Variants in HDAC9 observed in about 807,000 individuals in gnomAD.
HDAC9 encodes the protein MEF-2 interacting transcription repressor (MITR) protein.
HDAC9 carries 41 observed loss-of-function variants against 139.4 expected under a neutral mutation model. That is an observed-to-expected ratio of 0.29 (90% CI 0.23 to 0.38). HDAC9 has a LOEUF of 0.38. Ranked by LOEUF, HDAC9 falls within the 10% of genes least tolerant of loss-of-function variation. The probability of loss-of-function intolerance (pLI) is 1.00; values close to 1 mark genes in which losing one functional copy is unlikely to be tolerated. For missense variants in HDAC9, 1,147 were observed against 1,297.0 expected, an observed-to-expected ratio of 0.88 and a Z score of 1.78; for synonymous variants, 517 against 476.2, an observed-to-expected ratio of 1.09 and a Z score of -1.12.
chr7:18,258,315 G>A (rs1448249854), intron 2 of HDAC9, among the ~76,000 whole-genome samples: 1 of 152,180 alleles, frequency 6.6e-6, no homozygotes, highest in African/African-American at 2.4e-5. Context: ...GACAGACATG[G>A]TAACTGTTTC....
chr7:18,804,572 TC>T (rs1793555949), intron 17 of HDAC9, among the ~76,000 whole-genome samples: 1 of 152,224 alleles, frequency 6.6e-6, no homozygotes, highest in African/African-American at 2.4e-5. Flanking sequence ...TATATTGCTG[TC>T]TACCCTAAAA....
intron 12 of HDAC9, among the ~76,000 whole-genome samples, chr7:18,712,290 C>T (rs1019954810): frequency 5.3e-5 from 8 of 152,112 alleles, no homozygotes; most frequent in African/African-American, 1.7e-4. Flanking sequence ...CTTTCATCAG[C>T]GGCAACAACC....
intron 21 of HDAC9, among the ~76,000 whole-genome samples, chr7:18,838,043 A>G (rs1409290439): frequency 6.6e-6 from 1 of 152,050 alleles, no homozygotes; most frequent in East Asian, 1.9e-4. Flanking sequence ...TTTATTTAAG[A>G]ACCAGATTTA....
intron 1 of HDAC9, among the ~76,000 whole-genome samples, chr7:18,481,323 A>G (rs1339411331): frequency 6.6e-6 from 1 of 152,182 alleles, no homozygotes; most frequent in Non-Finnish European, 1.5e-5. Flanking sequence ...ATTTAACAGA[A>G]TATGAATTTT....
intron 1 of HDAC9, among the ~76,000 whole-genome samples, chr7:18,308,974 G>C (rs1469337095): frequency 6.6e-6 from 1 of 152,172 alleles, no homozygotes; most frequent in African/African-American, 2.4e-5. Flanking sequence ...CACATGGCTG[G>C]TGAGAGGAGA....
intron 1 of HDAC9, among the ~76,000 whole-genome samples, chr7:18,318,067 C>T (rs1487034294): frequency 6.6e-6 from 1 of 152,110 alleles, no homozygotes; most frequent in African/African-American, 2.4e-5. Context: ...GCCATCAAAA[C>T]AGCATCAAAG....
At chr7:18,559,164 A>T (rs972664928) in intron 2 of HDAC9, among the ~76,000 whole-genome samples, 9 of 152,158 alleles carry the variant, frequency 5.9e-5, no homozygotes, top group African/African-American at 2.2e-4. Flanking sequence ...TAGTCTGTAC[A>T]CCTCCAGAAT....
At chr7:18,962,477 A>G (rs1346998777) in intron 24 of HDAC9, among the ~76,000 whole-genome samples, 1 of 152,098 alleles carries the variant, frequency 6.6e-6, no homozygotes, top group Non-Finnish European at 1.5e-5. Flanking sequence ...AAAAAAGAAA[A>G]GTCTGCCATC....
Position 18,954,237 on chromosome 7 carries a change from C to A in HDAC9, c.3022+7C>A, listed in dbSNP as rs762042686. On this transcript the variant is annotated splice_region_variant and intron_variant, in intron 24 of 25. Coordinates refer to ENST00000686413, the MANE Select transcript of HDAC9 (RefSeq NM_178425.4). Reference sequence around the variant, plus strand: ...AAGATCATTGAAATTCAAAGTATGTCTTTAAAGTTCTCTTAAAAATTCTAA... The same window carrying A: ...AAGATCATTGAAATTCAAAGTATGTATTTAAAGTTCTCTTAAAAATTCTAA... 2 of 1,434,110 alleles carry A rather than the reference C, an allele frequency of 1.4e-6. No individual in the cohort carries two copies. Among genetic ancestry groups the A allele is most frequent in the South Asian group, 1.2e-5 (1 of 81,180 alleles). The allele number at this position is 1,434,110 out of a possible 1,614,324, so 88.8% of individuals were successfully genotyped here.
intron 2 of HDAC9, among the ~76,000 whole-genome samples, chr7:18,276,292 A>C (rs932274483): frequency 1.3e-5 from 2 of 152,212 alleles, no homozygotes; most frequent in African/African-American, 4.8e-5. Flanking sequence ...AGGAAAAGGC[A>C]AGAAAGAGCT....
chr7:18,675,127 C>A (rs1029000232), intron 12 of HDAC9, among the ~76,000 whole-genome samples: 1 of 151,928 alleles, frequency 6.6e-6, no homozygotes, highest in Non-Finnish European at 1.5e-5. Context: ...AGTGAATCAG[C>A]CTCCTCCTTG....
intron 6 of HDAC9, among the ~76,000 whole-genome samples, chr7:18,609,030 C>T (rs771845844): frequency 1.3e-5 from 2 of 151,940 alleles, no homozygotes; most frequent in Non-Finnish European, 2.9e-5. Flanking sequence ...TGGTTGTAAG[C>T]CTTCAATATC....
chr7:18,903,072 T>A (rs973444305), intron 22 of HDAC9, among the ~76,000 whole-genome samples: 1 of 152,218 alleles, frequency 6.6e-6, no homozygotes, highest in African/African-American at 2.4e-5. Context: ...GCATGAGCAA[T>A]TTGAAAACAA....
chr7:18,581,967 A>T (rs544561349), intron 2 of HDAC9, among the ~76,000 whole-genome samples: 1 of 152,214 alleles, frequency 6.6e-6, no homozygotes, highest in South Asian at 2.1e-4. Context: ...AGTACCATCA[A>T]TGCAAACTTC....
intron 1 of HDAC9, among the ~76,000 whole-genome samples, chr7:18,119,961 T>C (rs1784262524): frequency 1.3e-5 from 2 of 152,232 alleles, no homozygotes; most frequent in South Asian, 4.1e-4. Context: ...ATGCTTTCCA[T>C]CTTTGCCACC....
chr7:18,772,540 A>G (rs1248340409), intron 16 of HDAC9, among the ~76,000 whole-genome samples: 1 of 152,082 alleles, frequency 6.6e-6, no homozygotes, highest in Non-Finnish European at 1.5e-5. Flanking sequence ...TTTCCCTCCT[A>G]TTAATGTTCA....
At chr7:18,458,839 C>A (rs776204380) in intron 1 of HDAC9, 1 of 1,534,264 alleles carries the variant, frequency 6.5e-7, no homozygotes, top group Non-Finnish European at 8.7e-7. Flanking sequence ...CTTATCCCCA[C>A]AGACCTCATG....
intron 17 of HDAC9, among the ~76,000 whole-genome samples, chr7:18,816,171 A>G (rs556655552): frequency 6.6e-6 from 1 of 152,352 alleles, no homozygotes; most frequent in South Asian, 2.1e-4. Context: ...TCCCTTTCTC[A>G]TAAAGATTTA....
At chr7:18,163,709 G>A (rs1787817734) in intron 2 of HDAC9, among the ~76,000 whole-genome samples, 1 of 151,952 alleles carries the variant, frequency 6.6e-6, no homozygotes, top group Non-Finnish European at 1.5e-5. Flanking sequence ...TCTTTCTGTT[G>A]GGATGAACTT....
Sources: gnomAD v4.1 joint callset for allele counts (sites outside exome capture counted in the v4.1 genomes callset) on GRCh38, gnomAD v4.1.1 for gene constraint, MANE v1.5 for transcripts, NCBI Gene and HGNC (gene_info 2026-07-23, HGNC 2026-07-21) for gene names.